GAP43: variants seen among roughly 807,000 people sequenced by gnomAD.
GAP43 encodes growth associated protein 43.
GAP43 carries 6 observed loss-of-function variants against 18.6 expected under a neutral mutation model. The ratio of observed to expected loss-of-function variants is 0.32; its 90% confidence interval spans 0.18 to 0.64. The LOEUF is 0.64. Ranked by LOEUF, GAP43 falls within the 30% of genes least tolerant of loss-of-function variation. The pLI, the probability that GAP43 is intolerant of heterozygous loss-of-function variation, is 0.78. For missense variants in GAP43, 292 were observed against 295.5 expected (o/e 0.99, Z 0.09); for synonymous variants, 115 against 111.4 (o/e 1.03, Z -0.20).
intron 1 of GAP43, among the ~76,000 whole-genome samples, chr3:115,648,167 T>C (rs1325879807): frequency 1.3e-5 from 2 of 152,102 alleles, no homozygotes; most frequent in Non-Finnish European, 2.9e-5. Flanking sequence ...TACGCAATAC[T>C]GTGGGCCCTT....
intron 2 of GAP43, among the ~76,000 whole-genome samples, chr3:115,699,269 G>T (rs564767095): frequency 6.6e-6 from 1 of 152,116 alleles, no homozygotes; most frequent in African/African-American, 2.4e-5. Context: ...ACAGTAACAG[G>T]GTTAATGCCA....
At chr3:115,683,121 A>ATGTGCGCG (rs1446900505) in intron 2 of GAP43, among the ~76,000 whole-genome samples, 2 of 68,982 alleles carry the variant, frequency 2.9e-5, no homozygotes, top group African/African-American at 8.6e-5. Flanking sequence ...CTCTACATAC[A>ATGTGCGCG]TGTGCGCGCG....
At chr3:115,698,164 A>T (rs981348578) in intron 2 of GAP43, among the ~76,000 whole-genome samples, 38 of 44,664 alleles carry the variant, frequency 8.5e-4, no homozygotes, top group Admixed American at 2.3e-3. Context: ...ATAATATATA[A>T]AATATATTAA....
At chr3:115,637,434 C>T (rs1337391983) in intron 1 of GAP43, among the ~76,000 whole-genome samples, 5 of 152,032 alleles carry the variant, frequency 3.3e-5, no homozygotes, top group Admixed American at 3.3e-4. Context: ...TGAAACATAC[C>T]TTGCCTCTTG....
intron 1 of GAP43, among the ~76,000 whole-genome samples, chr3:115,652,389 A>G (rs1384795703): frequency 1.2e-4 from 3 of 25,590 alleles, no homozygotes; most frequent in Non-Finnish European, 2.5e-4. Context: ...TTTTTTTGTG[A>G]TAGAGTCTTG....
chr3:115,663,864 C>A lies in GAP43; in HGVS notation c.31-12149C>A, dbSNP rs560273819. ...GGCTTGAGGAAAAATCTTCAGAGAGCAGTTCGACCTAGTCCTTATTCACTT... is the reference window on the plus strand; with the variant it reads ...GGCTTGAGGAAAAATCTTCAGAGAGAAGTTCGACCTAGTCCTTATTCACTT... On this transcript the variant is annotated intron_variant, in intron 1 of 2. Coordinates refer to ENST00000305124, the MANE Select transcript of GAP43 (RefSeq NM_002045.4). The A allele has an allele frequency of 2.6e-6, 4 of 1,552,138 alleles. No homozygotes were observed. The African/African-American group carries it at 5.5e-5, about 21-fold the overall frequency.
At chr3:115,655,027 T>A (rs1456337515) in intron 1 of GAP43, among the ~76,000 whole-genome samples, 1 of 152,200 alleles carries the variant, frequency 6.6e-6, no homozygotes, top group Non-Finnish European at 1.5e-5. Context: ...AATCTCCACA[T>A]CTAAAGAAAG....
At chr3:115,682,899 A>G (rs1366622790) in intron 2 of GAP43, among the ~76,000 whole-genome samples, 1 of 152,176 alleles carries the variant, frequency 6.6e-6, no homozygotes, top group Non-Finnish European at 1.5e-5. Context: ...TTGTGGAGTC[A>G]CATGACTCAT....
intron 1 of GAP43, among the ~76,000 whole-genome samples, chr3:115,628,603 G>C (rs1275173268): frequency 6.6e-6 from 1 of 152,062 alleles, no homozygotes; most frequent in Non-Finnish European, 1.5e-5. Flanking sequence ...ATTTTGTGTT[G>C]TTGTCAATCC....
chr3:115,694,061 G>C (rs1419481962), intron 2 of GAP43, among the ~76,000 whole-genome samples: 1 of 152,152 alleles, frequency 6.6e-6, no homozygotes, highest in Admixed American at 6.5e-5. Flanking sequence ...GAGGAGATGG[G>C]AAGAGGAGAT....
chr3:115,698,124 TATATATA>T (rs1709232568), intron 2 of GAP43, among the ~76,000 whole-genome samples: 1 of 5,902 alleles, frequency 1.7e-4, no homozygotes, highest in African/African-American at 2.1e-4. Context: ...TAATATATAT[TATATATA>T]ATATATATAA....
chr3:115,703,691 G>A (rs1179310613), intron 2 of GAP43, among the ~76,000 whole-genome samples: 1 of 151,900 alleles, frequency 6.6e-6, no homozygotes, highest in Non-Finnish European at 1.5e-5. Context: ...TTATTGGAGA[G>A]AAAAAAACAT....
At chr3:115,683,515 ATCC>A (rs1165566588) in intron 2 of GAP43, among the ~76,000 whole-genome samples, 1 of 152,174 alleles carries the variant, frequency 6.6e-6, no homozygotes, top group Admixed American at 6.5e-5. Context: ...CTGATTCATA[ATCC>A]TCCTAACCCT....
At chr3:115,711,878 T>C (rs1709443753) in intron 2 of GAP43, among the ~76,000 whole-genome samples, 1 of 152,228 alleles carries the variant, frequency 6.6e-6, no homozygotes, top group Non-Finnish European at 1.5e-5. Context: ...AGTTGACTTA[T>C]TCATTGTAAT....
At chr3:115,640,641 G>A (rs368571197) in intron 1 of GAP43, among the ~76,000 whole-genome samples, 8 of 152,052 alleles carry the variant, frequency 5.3e-5, no homozygotes, top group Non-Finnish European at 8.8e-5. Context: ...GTAATTATAC[G>A]ACATTCCAAG....
intron 2 of GAP43, among the ~76,000 whole-genome samples, chr3:115,685,113 C>T (rs1284160086): frequency 6.6e-6 from 1 of 152,128 alleles, no homozygotes; most frequent in East Asian, 1.9e-4. Flanking sequence ...AAAATGAATA[C>T]AGAAGCTCAT....
rs1290372832 is a variant in GAP43 at position 115,708,014 on chromosome 3, C to CAT, written c.629-12770_629-12769dup. Among the ~76,000 whole-genome samples the CAT allele has an allele frequency of 3.0e-4, 8 of 26,250 alleles. No homozygotes were observed. The South Asian group carries it at 4.5e-3, about 15-fold the overall frequency. The allele number at this position is 26,250 out of a possible 152,430, so 17.2% of individuals were successfully genotyped here. A position where few individuals can be genotyped will look rare whatever the true frequency, so the allele number is the denominator to read the frequency against. On this transcript the variant is annotated intron_variant, in intron 2 of 2. Coordinates refer to ENST00000305124, the MANE Select transcript of GAP43 (RefSeq NM_002045.4). ...ATACACACACACACACACACACACA[C>CAT]ATATATATATACACACACACACATA...
chr3:115,697,123 G>T (rs190769455), intron 2 of GAP43, among the ~76,000 whole-genome samples: 4 of 152,110 alleles, frequency 2.6e-5, no homozygotes, highest in Non-Finnish European at 5.9e-5. Flanking sequence ...ACAGGCATGA[G>T]CCACCACACC....
intron 2 of GAP43, among the ~76,000 whole-genome samples, chr3:115,712,448 A>G (rs1449442723): frequency 6.6e-6 from 1 of 152,138 alleles, no homozygotes; most frequent in Non-Finnish European, 1.5e-5. Flanking sequence ...AAAACTTGGC[A>G]GCTAGAATTA....
Sources: gnomAD v4.1 joint callset for allele counts (sites outside exome capture counted in the v4.1 genomes callset) on GRCh38, gnomAD v4.1.1 for gene constraint, MANE v1.5 for transcripts, NCBI Gene and HGNC (gene_info 2026-07-23, HGNC 2026-07-21) for gene names.